The following RPTOR variants were observed in gnomAD, a reference collection of about 807,000 sequenced individuals.
RPTOR encodes regulatory associated protein of MTOR complex 1.
Under a neutral mutation model 169.9 loss-of-function variants are expected in RPTOR, and 21 were observed. The ratio of observed to expected loss-of-function variants is 0.12; its 90% CI spans 0.09 to 0.18. The LOEUF is 0.18. Ranked by LOEUF, RPTOR falls within the 10% of genes least tolerant of loss-of-function variation. RPTOR has a pLI of 1.00. For missense variants in RPTOR, 1,133 were observed against 1,855.9 expected (o/e 0.61, Z 7.16); for synonymous variants, 732 against 753.2 (o/e 0.97, Z 0.46).
intron 5 of RPTOR, among the ~76,000 whole-genome samples, chr17:80,741,906 G>A (rs1329440103): frequency 6.6e-6 from 1 of 152,180 alleles, no homozygotes; most frequent in African/African-American, 2.4e-5. Context: ...CAGGCAGTTG[G>A]AGGGTAACCA....
chr17:80,549,369 T>A (rs996872692), intron 1 of RPTOR, among the ~76,000 whole-genome samples: 1 of 152,078 alleles, frequency 6.6e-6, no homozygotes, highest in East Asian at 1.9e-4. Flanking sequence ...TCTCCCCTAT[T>A]TGTGTTTTTG....
chr17:80,963,273 C>A (rs1358015356), intron 33 of RPTOR, among the ~76,000 whole-genome samples: 3 of 152,038 alleles, frequency 2.0e-5, no homozygotes, highest in African/African-American at 7.3e-5. Context: ...CCCGTCACTC[C>A]GGGAGGAATT....
intron 1 of RPTOR, among the ~76,000 whole-genome samples, chr17:80,568,365 C>G (rs1205462341): frequency 1.3e-5 from 2 of 152,182 alleles, no homozygotes; most frequent in Non-Finnish European, 2.9e-5. Context: ...GTCCTTATTT[C>G]ACCTTTATGC....
At chr17:80,891,064 G>C (rs1433888065) in intron 17 of RPTOR, among the ~76,000 whole-genome samples, 1 of 152,118 alleles carries the variant, frequency 6.6e-6, no homozygotes. Context: ...TCCCCCTTCT[G>C]TTCCCCAGTG....
At chr17:80,836,571 C>T (rs1322855298) in intron 9 of RPTOR, among the ~76,000 whole-genome samples, 1 of 152,188 alleles carries the variant, frequency 6.6e-6, no homozygotes, top group Admixed American at 6.5e-5. Flanking sequence ...TGCTGTCCCT[C>T]TGCCACAGGG....
intron 20 of RPTOR, among the ~76,000 whole-genome samples, chr17:80,905,698 G>T (rs568578138): frequency 6.6e-4 from 101 of 152,190 alleles, no homozygotes; most frequent in Non-Finnish European, 1.4e-3. Context: ...GGAGTGTCCT[G>T]TGGAGCCCTG....
At chr17:80,743,377 A>G in intron 5 of RPTOR, 1 of 985,534 alleles carries the variant, frequency 1.0e-6, no homozygotes, top group South Asian at 4.7e-5. Flanking sequence ...GGCCTGAAGG[A>G]GATGTCTAAC....
intron 3 of RPTOR, among the ~76,000 whole-genome samples, chr17:80,665,485 T>C (rs796087762): frequency 2.1e-5 from 1 of 47,456 alleles, no homozygotes; most frequent in African/African-American, 1.7e-4. Flanking sequence ...TTCCTTTCCT[T>C]TCCTTTCCTT....
chr17:80,700,811 GTGA>G (rs1211007368), intron 3 of RPTOR, among the ~76,000 whole-genome samples: 15 of 90,250 alleles, frequency 1.7e-4, no homozygotes, highest in South Asian at 3.5e-4. Context: ...GATGATGGTG[GTGA>G]TGGTGATGGT....
intron 9 of RPTOR, among the ~76,000 whole-genome samples, chr17:80,836,672 G>A (rs1442717889): frequency 6.6e-6 from 1 of 152,210 alleles, no homozygotes; most frequent in African/African-American, 2.4e-5. Flanking sequence ...CTGTGTTAGA[G>A]CCTCCGAGAA....
chr17:80,669,494 C>T (rs2065805651), intron 3 of RPTOR, among the ~76,000 whole-genome samples: 1 of 152,206 alleles, frequency 6.6e-6, no homozygotes, highest in South Asian at 2.1e-4. Context: ...AAGCGATTCT[C>T]CTGCCTCAGC....
At chr17:80,732,282 A>T (rs2066399260) in intron 5 of RPTOR, among the ~76,000 whole-genome samples, 1 of 152,228 alleles carries the variant, frequency 6.6e-6, no homozygotes, top group Non-Finnish European at 1.5e-5. Context: ...CCAATACATC[A>T]GCCTCAGTTA....
At chr17:80,858,046 G>T (rs1342820201) in intron 13 of RPTOR, 146 bp downstream of exon 13, 7 of 684,954 alleles carry the variant, frequency 1.0e-5, no homozygotes, top group Non-Finnish European at 1.8e-5. Context: ...CTGGGGTAAA[G>T]TGGGACGCGC....
chr17:80,646,824 T>A lies in RPTOR; in HGVS notation c.348+3014T>A, dbSNP rs756555995. 3.3e-5 allele frequency among the ~76,000 whole-genome samples: 5 copies of A among 152,172 alleles called. No individual in the cohort carries two copies. The highest frequency in any genetic ancestry group is 7.4e-5 in the Non-Finnish European group (5 of 68,026). Reference sequence around the variant, plus strand: ...GGTCATTTAATGAAAATGAGATTATTTTCATTAAAGTTTGTCGGAGTCGTT... The same window carrying A: ...GGTCATTTAATGAAAATGAGATTATATTCATTAAAGTTTGTCGGAGTCGTT... On this transcript the variant is annotated intron_variant, in intron 3 of 33. Transcript: ENST00000306801. This position sits in a 1 kb window ranked among gnomAD's most constrained non-coding sequence, Gnocchi z 5.0.
intron 2 of RPTOR, among the ~76,000 whole-genome samples, chr17:80,629,984 C>T (rs927525482): frequency 6.6e-6 from 1 of 152,208 alleles, no homozygotes; most frequent in Non-Finnish European, 1.5e-5. Context: ...ATAAACCAGC[C>T]AAGGAAATTC....
At chr17:80,867,814 G>A (rs1222088469) in intron 13 of RPTOR, among the ~76,000 whole-genome samples, 2 of 152,112 alleles carry the variant, frequency 1.3e-5, no homozygotes, top group African/African-American at 4.8e-5. Context: ...GACAAAAGGT[G>A]GGCAAGATCT....
At chr17:80,744,619 TTACTAGCAGAGC>T (rs1567889009) in intron 5 of RPTOR, among the ~76,000 whole-genome samples, 1 of 3,648 alleles carries the variant, frequency 2.7e-4, no homozygotes, top group South Asian at 7.4e-3. Flanking sequence ...ACAGCCCTGG[TTACTAGCAGAGC>T]CCTGGCTACT....
chr17:80,937,182 G>A (rs1385476008), intron 24 of RPTOR, among the ~76,000 whole-genome samples: 5 of 152,182 alleles, frequency 3.3e-5, no homozygotes, highest in African/African-American at 1.2e-4. Context: ...AGCTGGCAGT[G>A]TGAGCGTTTA....
At chr17:80,634,809 CTGTGTG>C (rs1245676584) in intron 2 of RPTOR, among the ~76,000 whole-genome samples, 2 of 136,880 alleles carry the variant, frequency 1.5e-5, no homozygotes, top group Admixed American at 7.3e-5. Flanking sequence ...TGTGTGCATA[CTGTGTG>C]TGTGCATACT....
Sources: allele counts gnomAD v4.1 joint callset (sites outside exome capture counted in the v4.1 genomes callset), GRCh38; gene constraint gnomAD v4.1.1; non-coding constraint Gnocchi (gnomAD v3.1); transcripts MANE v1.5; gene names NCBI Gene and HGNC (gene_info 2026-07-23, HGNC 2026-07-21).